The following SAMTOR variants were observed in gnomAD, a reference collection of about 807,000 sequenced individuals.
The protein encoded by SAMTOR is UPF0532 protein C7orf60.
At chr7:112,890,550 C>G in the SAMTOR span, among the ~76,000 whole-genome samples, 3 of 151,810 alleles carry the variant, frequency 2.0e-5, no homozygotes, top group Non-Finnish European at 2.9e-5. Flanking sequence ...ATAGTCCATA[C>G]TCAGGGGAAA....
chr7:112,873,623 C>G, the SAMTOR span, among the ~76,000 whole-genome samples: 1 of 152,088 alleles, frequency 6.6e-6, no homozygotes, highest in Non-Finnish European at 1.5e-5. Context: ...AGAATAAAAT[C>G]TAGGAAACAC....
chr7:112,857,124 G>C, the SAMTOR span, among the ~76,000 whole-genome samples: 1 of 123,624 alleles, frequency 8.1e-6, no homozygotes, highest in African/African-American at 3.4e-5. Flanking sequence ...CTCGCCTGTC[G>C]CCCAGGCCGG....
the SAMTOR span, among the ~76,000 whole-genome samples, chr7:112,884,822 G>A: frequency 2.6e-5 from 4 of 152,212 alleles, no homozygotes; most frequent in Non-Finnish European, 5.9e-5. Context: ...CTGCTAGGCA[G>A]TGCCCCAGTA....
At chr7:112,832,450 T>A in the SAMTOR span, 1 of 673,124 alleles carries the variant, frequency 1.5e-6, no homozygotes, top group Admixed American at 2.9e-5. Flanking sequence ...AAATCTCTCC[T>A]CAATGGGTAC....
the SAMTOR span, among the ~76,000 whole-genome samples, chr7:112,835,850 G>A: frequency 1.3e-5 from 2 of 152,222 alleles, no homozygotes; most frequent in Admixed American, 1.3e-4. Flanking sequence ...ATTCTATGGT[G>A]TATATGTACC....
At chr7:112,858,565 A>AAAT in the SAMTOR span, among the ~76,000 whole-genome samples, 4 of 152,258 alleles carry the variant, frequency 2.6e-5, no homozygotes, top group East Asian at 5.8e-4. Flanking sequence ...TTATTTGTTA[A>AAAT]AAATCCTTTT....
At chr7:112,821,688 T>A in the SAMTOR span, 1 of 1,470,584 alleles carries the variant, frequency 6.8e-7, no homozygotes. Flanking sequence ...GTATTTCCAA[T>A]TGGTGTAAGC....
At chr7:112,859,658 G>C in the SAMTOR span, among the ~76,000 whole-genome samples, 2 of 151,784 alleles carry the variant, frequency 1.3e-5, no homozygotes, top group African/African-American at 4.9e-5. Flanking sequence ...TGTAGGTCTA[G>C]ACTAACAAAT....
chr7:112,846,785 T>C, the SAMTOR span, among the ~76,000 whole-genome samples: 10,785 of 152,216 alleles, frequency 0.071, 445 homozygotes, highest in South Asian at 0.14. Flanking sequence ...ATTTAAAAAA[T>C]TGTATCTGTT....
the SAMTOR span, among the ~76,000 whole-genome samples, chr7:112,857,960 C>T: frequency 1.3e-5 from 2 of 152,054 alleles, no homozygotes; most frequent in African/African-American, 4.8e-5. Flanking sequence ...GGGAGATGTC[C>T]CCTGGGATGC....
At chr7:112,834,746 C>T in the SAMTOR span, among the ~76,000 whole-genome samples, 1 of 152,022 alleles carries the variant, frequency 6.6e-6, no homozygotes, top group Non-Finnish European at 1.5e-5. Flanking sequence ...AGCAGGTGAT[C>T]CTCCTCCTCC....
chr7:112,844,877 A>G, the SAMTOR span, among the ~76,000 whole-genome samples: 1 of 152,196 alleles, frequency 6.6e-6, no homozygotes, highest in South Asian at 2.1e-4. Context: ...TAAACAAAAC[A>G]GCATGGTACT....
chr7:112,916,780 C>G, the SAMTOR span, among the ~76,000 whole-genome samples: 1 of 152,240 alleles, frequency 6.6e-6, no homozygotes. Context: ...AACGGCGCAA[C>G]AGGAGATTAT....
chr7:112,854,746 A>G, the SAMTOR span, among the ~76,000 whole-genome samples: 224 of 152,288 alleles, frequency 1.5e-3, 2 homozygotes, highest in Middle Eastern at 6.8e-3. Context: ...TATCTTACAG[A>G]CCTTTTCTGG....
the SAMTOR span, among the ~76,000 whole-genome samples, chr7:112,828,473 T>G: frequency 6.6e-6 from 1 of 152,170 alleles, no homozygotes; most frequent in East Asian, 1.9e-4. Flanking sequence ...GAGTTAAAAT[T>G]TCTCCTTTTT....
At chr7:112,901,902 T>C in the SAMTOR span, among the ~76,000 whole-genome samples, 1 of 152,140 alleles carries the variant, frequency 6.6e-6, no homozygotes, top group African/African-American at 2.4e-5. Context: ...TACCCTTCCA[T>C]AGGTGGATGG....
the SAMTOR span, among the ~76,000 whole-genome samples, chr7:112,888,020 C>T: frequency 7.8e-4 from 118 of 152,146 alleles, no homozygotes; most frequent in Non-Finnish European, 1.3e-3. Flanking sequence ...AAGATAGATG[C>T]TTATATTATT....
chr7:112,828,864 G>C, the SAMTOR span, among the ~76,000 whole-genome samples: 1 of 152,054 alleles, frequency 6.6e-6, no homozygotes, highest in Non-Finnish European at 1.5e-5. Context: ...AAGACATTTT[G>C]GCTGGGTATA....
At chr7:112,939,777 C>CG in the SAMTOR span, 1 of 1,547,212 alleles carries the variant, frequency 6.5e-7, no homozygotes, top group East Asian at 2.3e-5. Flanking sequence ...CCGCCGCCGC[C>CG]CCTCAGGCCC....
Sources: allele counts gnomAD v4.1 joint callset (sites outside exome capture counted in the v4.1 genomes callset), GRCh38; gene constraint gnomAD v4.1.1; transcripts MANE v1.5; gene names NCBI Gene and HGNC (gene_info 2026-07-23, HGNC 2026-07-21).